Variants in MGRN1 observed in about 807,000 individuals in gnomAD.
MGRN1 encodes E3 ubiquitin-protein ligase MGRN1.
MGRN1 carries 29 observed loss-of-function variants against 69.2 expected under a neutral mutation model. The ratio of observed to expected loss-of-function variants is 0.42; its 90% confidence interval spans 0.31 to 0.57. The LOEUF (loss-of-function observed/expected upper bound fraction) is 0.57. Ranked by LOEUF, MGRN1 falls within the 20% of genes least tolerant of loss-of-function variation. The probability of loss-of-function intolerance (pLI) is 0.15; values close to 1 mark genes in which losing one functional copy is unlikely to be tolerated. For missense variants in MGRN1, 998 were observed against 796.2 expected (o/e 1.25, Z -3.05); for synonymous variants, 470 against 344.2 (o/e 1.37, Z -4.04).
chr16:4,677,563 T>A lies in MGRN1; in HGVS notation c.1056T>A (p.Asp352Glu). 1 of 1,599,804 alleles carries A rather than the reference T, an allele frequency of 6.3e-7. No individual in the cohort carries two copies. Among genetic ancestry groups the A allele is most frequent in the South Asian group, 1.1e-5 (1 of 91,072 alleles). Reference protein sequence around the residue: ...SPVLAQSLEHDEHSCPFKKSK... With the variant: ...SPVLAQSLEHEEHSCPFKKSK... ...TCCTGGCCCAGAGCCTGGAGCATGA[T>A]GAGCACTCTGTAAGTGCCGCCTCCT... The change falls in exon 11 of 17, where the codon GAT (aspartate) becomes GAA (glutamate). Residue 352 changes from aspartate to glutamate, a missense_variant. Coordinates refer to ENST00000262370, the MANE Select transcript of MGRN1 (RefSeq NM_015246.4).
At chr16:4,684,694 C>T (rs190689555) in intron 16 of MGRN1, among the ~76,000 whole-genome samples, 5 of 152,264 alleles carry the variant, frequency 3.3e-5, no homozygotes, top group Admixed American at 6.5e-5. Flanking sequence ...TCCTCAGTTT[C>T]GAATCCTAAG....
intron 1 of MGRN1, chr16:4,640,681 G>A (rs1331181251): frequency 6.6e-6 from 1 of 152,286 alleles, no homozygotes; most frequent in African/African-American, 2.4e-5. Flanking sequence ...CGGGCTCTGT[G>A]AGCCCACAGG....
chr16:4,655,493 C>G (rs1235802234), intron 4 of MGRN1, among the ~76,000 whole-genome samples: 9 of 151,938 alleles, frequency 5.9e-5, no homozygotes, highest in African/African-American at 2.2e-4. Context: ...TGCCACTGTC[C>G]CCCTCTGTCA....
At chr16:4,635,541 C>T (rs1898238504) in intron 1 of MGRN1, among the ~76,000 whole-genome samples, 1 of 151,904 alleles carries the variant, frequency 6.6e-6, no homozygotes, top group Non-Finnish European at 1.5e-5. Flanking sequence ...ATGATCTTAG[C>T]TCACTGCAAC....
rs538131253 is a variant in MGRN1, at chr16:4,642,456, G to A, written c.89-7909G>A. On this transcript the variant is annotated intron_variant, in intron 1 of 16. Transcript: ENST00000262370. ...GGGATTACAGGCATGCACCACCACG[G>A]CCAGCTAATTTGTGTGTGTGTGTGT... Among the ~76,000 whole-genome samples the A allele has an allele frequency of 2.1e-4, 31 of 146,388 alleles. 1 individual carries two copies. The South Asian group carries it at 6.5e-3, about 31-fold the overall frequency.
At chr16:4,672,930 C>G (rs2078970818) in intron 9 of MGRN1, among the ~76,000 whole-genome samples, 1 of 152,216 alleles carries the variant, frequency 6.6e-6, no homozygotes, top group African/African-American at 2.4e-5. Flanking sequence ...GCTCCGCCTC[C>G]TGGGTTCACG....
chr16:4,626,620 A>G (rs1377822508), intron 1 of MGRN1, among the ~76,000 whole-genome samples: 2 of 152,224 alleles, frequency 1.3e-5, no homozygotes, highest in African/African-American at 2.4e-5. Context: ...GTGGCATGAC[A>G]CAGATATCAA....
At chr16:4,645,212 G>T (rs1377522602) in intron 1 of MGRN1, among the ~76,000 whole-genome samples, 1 of 152,050 alleles carries the variant, frequency 6.6e-6, no homozygotes, top group African/African-American at 2.4e-5. Flanking sequence ...CCAGGCTGGA[G>T]TGCAGTGTGG....
At position 4,683,952 on chromosome 16, in the gene MGRN1, G is replaced by A. The variant is rs778705897; in HGVS notation, c.1618+20G>A. On this transcript the variant is annotated intron_variant, in intron 16 of 16. Transcript: ENST00000262370. The stretch of plus-strand genomic sequence containing the variant: ...TGCCAGGTAAGGGGCTGGGGGTCTG[G>A]GGGTGAGGGGCTGGGTGCCTGTCTT... 6.6e-7 allele frequency: 1 copy of A among 1,525,102 alleles called. No individual in the cohort carries two copies. Among genetic ancestry groups the A allele is most frequent in the Non-Finnish European group, 8.9e-7 (1 of 1,123,780 alleles). The allele number at this position is 1,525,102 out of a possible 1,614,324, so 94.5% of individuals were successfully genotyped here.
chr16:4,668,565 G>T (rs898641721), intron 8 of MGRN1, among the ~76,000 whole-genome samples: 1 of 149,372 alleles, frequency 6.7e-6, no homozygotes, highest in East Asian at 2.0e-4. Flanking sequence ...ACTCCTACTC[G>T]CACACACTCA....
intron 4 of MGRN1, among the ~76,000 whole-genome samples, chr16:4,655,785 C>T (rs780262601): frequency 5.9e-5 from 9 of 152,278 alleles, no homozygotes; most frequent in Non-Finnish European, 1.2e-4. Flanking sequence ...GCCAGTGCTC[C>T]ATCCATTTGA....
chr16:4,632,727 A>G (rs1898073734), intron 1 of MGRN1, among the ~76,000 whole-genome samples: 1 of 152,088 alleles, frequency 6.6e-6, no homozygotes, highest in South Asian at 2.1e-4. Flanking sequence ...TTGTGCAGCC[A>G]TCACCACTGT....
intron 1 of MGRN1, among the ~76,000 whole-genome samples, chr16:4,627,234 C>T (rs1288428274): frequency 6.6e-6 from 1 of 152,214 alleles, no homozygotes; most frequent in Non-Finnish European, 1.5e-5. Flanking sequence ...CTTTTCACAT[C>T]TCTGTCAATT....
intron 4 of MGRN1, among the ~76,000 whole-genome samples, chr16:4,655,735 C>T (rs962211434): frequency 6.6e-6 from 1 of 152,226 alleles, no homozygotes; most frequent in Non-Finnish European, 1.5e-5. Context: ...GGCTCCAGGA[C>T]CTGGAGGCTG....
At chr16:4,683,183 G>T (rs750971852) in intron 14 of MGRN1, 41 bp from the exon 15 acceptor site, 30 of 1,609,828 alleles carry the variant, frequency 1.9e-5, no homozygotes, top group Non-Finnish European at 2.5e-5. Flanking sequence ...CGGTGGCCGC[G>T]GCTCTCTGAG....
chr16:4,643,616 C>T (rs987701760), intron 1 of MGRN1, among the ~76,000 whole-genome samples: 1 of 152,102 alleles, frequency 6.6e-6, no homozygotes, highest in Non-Finnish European at 1.5e-5. Flanking sequence ...TCGTGATCCA[C>T]CTGCCTTGGC....
At chr16:4,657,158 G>A (rs1337157657) in intron 4 of MGRN1, 88 bp from the exon 5 acceptor site, 21 of 1,256,224 alleles carry the variant, frequency 1.7e-5, no homozygotes, top group African/African-American at 1.6e-4. Flanking sequence ...AGGTGTCTGC[G>A]GCCCTTCCAG....
intron 1 of MGRN1, among the ~76,000 whole-genome samples, chr16:4,638,426 C>T (rs571391072): frequency 9.9e-5 from 15 of 152,052 alleles, no homozygotes; most frequent in Admixed American, 2.0e-4. Flanking sequence ...GATCGTACCA[C>T]TGCACTCCAG....
chr16:4,683,078 C>G, intron 14 of MGRN1, 132 bp downstream of exon 14: 2 of 1,489,544 alleles, frequency 1.3e-6, no homozygotes, highest in Non-Finnish European at 1.8e-6. Flanking sequence ...CTGAGCTGCG[C>G]GGCTCCTTAG....
Sources: allele counts gnomAD v4.1 joint callset (sites outside exome capture counted in the v4.1 genomes callset), GRCh38; gene constraint gnomAD v4.1.1; transcripts MANE v1.5; gene names NCBI Gene and HGNC (gene_info 2026-07-23, HGNC 2026-07-21).